The following CNTLN variants were observed in gnomAD, a reference collection of about 807,000 sequenced individuals.
CNTLN encodes centlein, centrosomal protein.
A neutral mutation model predicts 180.0 loss-of-function variants in CNTLN; 212 were observed. That is an observed-to-expected ratio of 1.18 (90% confidence interval 1.05 to 1.32). The LOEUF is 1.32. Ranked by LOEUF, CNTLN falls within the 40% of genes most tolerant of loss-of-function variation. The pLI, the probability that CNTLN is intolerant of heterozygous loss-of-function variation, is 0.00. For missense variants in CNTLN, 2,095 were observed against 1,610.9 expected (o/e 1.30, Z -5.14); for synonymous variants, 722 against 563.1 (o/e 1.28, Z -3.99).
chr9:17,479,927 G>A (rs1832549418), intron 23 of CNTLN, among the ~76,000 whole-genome samples: 1 of 152,078 alleles, frequency 6.6e-6, no homozygotes, highest in African/African-American at 2.4e-5. Flanking sequence ...AAAAAATATG[G>A]TATCCTGGGA....
intron 1 of CNTLN, among the ~76,000 whole-genome samples, chr9:17,135,711 T>TC (rs563812110): frequency 2.0e-5 from 3 of 149,804 alleles, no homozygotes; most frequent in Non-Finnish European, 3.0e-5. Flanking sequence ...CCTCTCCGCT[T>TC]CCCCCCCAAG....
In CNTLN at chr9:17,415,791, T is replaced by G; in HGVS notation, c.2800T>G (p.Tyr934Asp). 6.3e-7 allele frequency: 1 copy of G among 1,585,420 alleles called. No individual in the cohort carries two copies. Among genetic ancestry groups the G allele is most frequent in the Non-Finnish European group, 8.6e-7 (1 of 1,156,224 alleles). Residue 934 changes from tyrosine (Y) to aspartate (D), a missense_variant, in exon 17 of 26, where the codon TAT becomes GAT. By Grantham distance (160) the Tyr-to-Asp change is radical. Coordinates refer to ENST00000380647, the MANE Select transcript of CNTLN (RefSeq NM_017738.4). Reference sequence around the variant, plus strand: ...TTTATGAAATCTTCAAATTTAGGACTATTTTCATGATAAGAATGCCAAAAA... The same window carrying G: ...TTTATGAAATCTTCAAATTTAGGACGATTTTCATGATAAGAATGCCAAAAA... ...LNIDGKTPKD[Y>D]FHDKNAKKPT...
At chr9:17,374,537 C>T (rs957112299) in intron 13 of CNTLN, among the ~76,000 whole-genome samples, 1 of 152,086 alleles carries the variant, frequency 6.6e-6, no homozygotes, top group African/African-American at 2.4e-5. Context: ...AGTACAACTA[C>T]TATGGAGAAC....
chr9:17,413,867 C>T (rs538472842), intron 16 of CNTLN, among the ~76,000 whole-genome samples: 32 of 152,218 alleles, frequency 2.1e-4, no homozygotes, highest in African/African-American at 7.2e-4. Context: ...AGACACATCC[C>T]ACAGACATGA....
In CNTLN at chr9:17,330,786, C is replaced by A. The variant is rs1267323173; in HGVS notation, c.1496C>A (p.Thr499Lys). 1.2e-6 allele frequency: 2 copies of A among 1,607,516 alleles called. No homozygotes were observed. The highest frequency in any genetic ancestry group is 1.7e-6 in the Non-Finnish European group (2 of 1,176,920). Residue 499 changes from threonine to lysine, a missense_variant, in exon 9 of 26, where the codon ACA becomes AAA. Coordinates refer to ENST00000380647, the MANE Select transcript of CNTLN (RefSeq NM_017738.4). ...NKGFSRKSIM[T>K]SAEGKHKEPP... ...GGTTTCTCCCGAAAGAGCATCATGA[C>A]AAGTGCTGAAGGAAAACATAAGGTA...
At chr9:17,312,345 A>ATATATATATATATATAT (rs1819195090) in intron 8 of CNTLN, among the ~76,000 whole-genome samples, 1 of 14,608 alleles carries the variant, frequency 6.8e-5, no homozygotes, top group Non-Finnish European at 2.5e-4. Context: ...TACTGTATTT[A>ATATATATATATATATAT]TATATATATA....
At chr9:17,512,144 A>T in the CNTLN span, among the ~76,000 whole-genome samples, 8 of 152,324 alleles carry the variant, frequency 5.3e-5, no homozygotes, top group East Asian at 1.5e-3. Flanking sequence ...TAAAAGGCCA[A>T]CTAAGTCCAT....
At chr9:17,286,821 G>A (rs1266418264) in intron 6 of CNTLN, among the ~76,000 whole-genome samples, 4 of 118,968 alleles carry the variant, frequency 3.4e-5, no homozygotes, top group Non-Finnish European at 6.7e-5. Flanking sequence ...TGTTGTTGGT[G>A]TATAAGAATG....
intron 2 of CNTLN, among the ~76,000 whole-genome samples, chr9:17,154,911 A>G (rs1337970418): frequency 1.3e-5 from 2 of 152,186 alleles, no homozygotes; most frequent in East Asian, 1.9e-4. Context: ...GCTCTTCACA[A>G]TAAATCTTGC....
rs534899328 is a variant in CNTLN at position 17,288,730 on chromosome 9, C to G, written c.984-9460C>G. 3.2e-4 allele frequency among the ~76,000 whole-genome samples: 44 copies of G among 138,564 alleles called. 7 individuals are homozygous for G. The highest frequency in any genetic ancestry group is 8.4e-4 in the African/African-American group (28 of 33,486). The allele number at this position is 138,564 out of a possible 152,430, so 90.9% of individuals were successfully genotyped here. A position where few individuals can be genotyped will look rare whatever the true frequency, so the allele number is the denominator to read the frequency against. On this transcript the variant is annotated intron_variant, in intron 6 of 25. Transcript: ENST00000380647. The stretch of plus-strand genomic sequence containing the variant: ...TATATATTTAGGATAGTTAGCTCTT[C>G]TTGTTGAATTGATCCCTTTACCATT...
rs1168203530 is a variant in CNTLN, at chr9:17,502,719, T to C, written c.*67T>C. 1.8e-6 allele frequency: 1 copy of C among 553,338 alleles called. No homozygotes were observed. The highest frequency in any genetic ancestry group is 3.1e-6 in the Non-Finnish European group (1 of 319,918). 34.3% of individuals were successfully genotyped at this position (553,338 alleles called of 1,614,324 possible). On this transcript the variant is annotated 3_prime_UTR_variant, in exon 26 of 26. Transcript: ENST00000380647. ...ATGTGGTGTGATTGGAATACATGCATTGCAATCCTGACACGGTATCTGCTC... is the reference window on the plus strand; with the variant it reads ...ATGTGGTGTGATTGGAATACATGCACTGCAATCCTGACACGGTATCTGCTC...
At chr9:17,165,576 T>C (rs1202636502) in intron 2 of CNTLN, among the ~76,000 whole-genome samples, 3 of 150,264 alleles carry the variant, frequency 2.0e-5, no homozygotes, top group Non-Finnish European at 4.4e-5. Context: ...AATTAAAGTC[T>C]ATATAAGGAG....
chr9:17,297,042 C>T (rs533186347), intron 6 of CNTLN, among the ~76,000 whole-genome samples: 2 of 152,240 alleles, frequency 1.3e-5, no homozygotes, highest in East Asian at 3.9e-4. Context: ...TAAGTACAAT[C>T]GGCCTTTCAT....
At chr9:17,265,352 T>A (rs970923545) in intron 5 of CNTLN, among the ~76,000 whole-genome samples, 12 of 152,232 alleles carry the variant, frequency 7.9e-5, no homozygotes, top group African/African-American at 2.9e-4. Context: ...CTTATTGATT[T>A]GCGTATGTTG....
At chr9:17,294,620 C>G (rs1817671761) in intron 6 of CNTLN, among the ~76,000 whole-genome samples, 1 of 149,876 alleles carries the variant, frequency 6.7e-6, no homozygotes, top group Admixed American at 6.7e-5. Context: ...CTGGCTTCAC[C>G]CAGTGTATCC....
chr9:17,335,666 G>A (rs549702673), intron 10 of CNTLN, among the ~76,000 whole-genome samples: 1 of 152,040 alleles, frequency 6.6e-6, no homozygotes, highest in East Asian at 1.9e-4. Context: ...TGCCAGGCAC[G>A]ATGGCTCAGG....
At chr9:17,290,830 G>A (rs1225741946) in intron 6 of CNTLN, among the ~76,000 whole-genome samples, 1 of 152,166 alleles carries the variant, frequency 6.6e-6, no homozygotes, top group Admixed American at 6.5e-5. Flanking sequence ...GATCCCTCGC[G>A]CTTCCCAGGT....
chr9:17,247,018 G>C (rs1367609940), intron 5 of CNTLN, among the ~76,000 whole-genome samples: 1 of 152,116 alleles, frequency 6.6e-6, no homozygotes, highest in Non-Finnish European at 1.5e-5. Context: ...GCAAGACTAA[G>C]TCCTCTTAAT....
At chr9:17,294,471 C>T (rs913538881) in intron 6 of CNTLN, among the ~76,000 whole-genome samples, 8 of 151,850 alleles carry the variant, frequency 5.3e-5, no homozygotes, top group Non-Finnish European at 8.8e-5. Context: ...GGTGCATCCA[C>T]AAACCCTGAG....
Sources: allele counts gnomAD v4.1 joint callset (sites outside exome capture counted in the v4.1 genomes callset), GRCh38; gene constraint gnomAD v4.1.1; transcripts MANE v1.5; gene names NCBI Gene and HGNC (gene_info 2026-07-23, HGNC 2026-07-21).